NRIP1: variants seen among roughly 807,000 people sequenced by gnomAD.
NRIP1 encodes the protein nuclear receptor-interacting protein 1.
NRIP1 carries 28 observed loss-of-function variants against 75.0 expected under a neutral mutation model. That is an observed-to-expected ratio of 0.37 (90% CI 0.28 to 0.51). The LOEUF (loss-of-function observed/expected upper bound fraction) is 0.51, where lower values mean the gene tolerates loss of function less well. Ranked by LOEUF, NRIP1 falls within the 20% of genes least tolerant of loss-of-function variation. The probability of loss-of-function intolerance (pLI) is 0.92; values close to 1 mark genes in which losing one functional copy is unlikely to be tolerated. For synonymous variants in NRIP1, 526 were observed against 487.6 expected, an observed-to-expected ratio of 1.08 and a Z score of -1.04; for missense variants, 1,435 against 1,343.7, an observed-to-expected ratio of 1.07 and a Z score of -1.06.
At chr21:15,030,501 A>G (rs2088618537) in intron 2 of NRIP1, among the ~76,000 whole-genome samples, 1 of 151,974 alleles carries the variant, frequency 6.6e-6, no homozygotes, top group Non-Finnish European at 1.5e-5. Flanking sequence ...AAGATATTTC[A>G]ATGGAAATCA....
At chr21:15,011,090 T>TA (rs201378878) in intron 3 of NRIP1, among the ~76,000 whole-genome samples, 171 of 151,380 alleles carry the variant, frequency 1.1e-3, no homozygotes, top group African/African-American at 1.7e-3. Flanking sequence ...CTTAAACAAA[T>TA]AAAAAAAAAT....
rs1568941056 is a variant in NRIP1 at position 14,967,376 on chromosome 21, C to T, written c.817G>A (p.Glu273Lys). ...CGAGAATACTGCTGCAAATGGGCTT[C>T]GCTTGACAGAAGTAATGCTAACTGG... ...CSQLALLLSS[E>K]AHLQQYSREH... The change falls in exon 4 of 4, where the codon GAA (glutamate) becomes AAA (lysine). Residue 273 changes from glutamate to lysine, a missense_variant. Physicochemically the swap from Glu to Lys is moderately conservative, Grantham distance 56. Coordinates refer to ENST00000318948, the MANE Select transcript of NRIP1 (RefSeq NM_003489.4). 1 of 1,614,058 alleles carries T rather than the reference C, an allele frequency of 6.2e-7. No individual in the cohort carries two copies. The highest frequency in any genetic ancestry group is 8.5e-7 in the Non-Finnish European group (1 of 1,180,002).
In NRIP1 at chr21:14,963,011, C is replaced by A. The variant is rs900223433; in HGVS notation, c.*1705G>T. On this transcript the variant is annotated 3_prime_UTR_variant, in exon 4 of 4. Coordinates refer to ENST00000318948, the MANE Select transcript of NRIP1 (RefSeq NM_003489.4). ...GGATTGTACAAACTGAACATAAAAA[C>A]AGACCTGTTTCGCAACTGAAACCCC... 3.3e-5 allele frequency: 5 copies of A among 152,278 alleles called. No homozygotes were observed. The highest frequency in any genetic ancestry group is 1.2e-4 in the African/African-American group (5 of 41,420). 9.4% of individuals were successfully genotyped at this position (152,278 alleles called of 1,614,324 possible).
At chr21:15,016,538 A>C (rs2088234102) in intron 2 of NRIP1, among the ~76,000 whole-genome samples, 1 of 152,152 alleles carries the variant, frequency 6.6e-6, no homozygotes, top group Non-Finnish European at 1.5e-5. Context: ...TTCTTGAAAA[A>C]AGATTATAAC....
chr21:14,972,896 G>T (rs764340253), intron 3 of NRIP1, among the ~76,000 whole-genome samples: 1 of 152,194 alleles, frequency 6.6e-6, no homozygotes, highest in Middle Eastern at 3.2e-3. Context: ...GAGCTCAGGC[G>T]GTAATGCTTG....
At chr21:15,012,571 G>A (rs531516008) in intron 3 of NRIP1, among the ~76,000 whole-genome samples, 69 of 143,164 alleles carry the variant, frequency 4.8e-4, no homozygotes, top group Admixed American at 1.5e-3. Flanking sequence ...TCCTGCCTCA[G>A]CCTCCCAAAT....
At chr21:14,972,103 C>A (rs932756681) in intron 3 of NRIP1, among the ~76,000 whole-genome samples, 1 of 152,134 alleles carries the variant, frequency 6.6e-6, no homozygotes, top group South Asian at 2.1e-4. Context: ...ACTGTTCTAG[C>A]AGAAAATGAA....
chr21:14,967,067 TAGC>T lies in NRIP1; in HGVS notation c.1123_1125del (p.Ala375del). The T allele has an allele frequency of 6.2e-7, 1 of 1,614,160 alleles. No homozygotes were observed. Among genetic ancestry groups the T allele is most frequent in the Non-Finnish European group, 8.5e-7 (1 of 1,180,016 alleles). On this transcript the variant is annotated inframe_deletion, in exon 4 of 4. Coordinates refer to ENST00000318948, the MANE Select transcript of NRIP1 (RefSeq NM_003489.4). ...AGAAGATGTAAAAGCAAACTATTGT[TAGC>T]AGCTTGTTTTATATTGTTTCTTTCC... is the stretch of plus-strand genomic sequence containing the variant.
chr21:14,995,653 T>C (rs1223539685), intron 3 of NRIP1, among the ~76,000 whole-genome samples: 1 of 152,222 alleles, frequency 6.6e-6, no homozygotes, highest in Non-Finnish European at 1.5e-5. Context: ...TGTAAAACTA[T>C]AGCCTAGGAA....
intron 3 of NRIP1, among the ~76,000 whole-genome samples, chr21:14,989,092 C>T (rs537204918): frequency 2.0e-5 from 3 of 152,158 alleles, no homozygotes; most frequent in Non-Finnish European, 4.4e-5. Context: ...TGTTGAGGGG[C>T]TTCTGTTCCC....
At chr21:15,001,538 T>C (rs1293052203) in intron 3 of NRIP1, among the ~76,000 whole-genome samples, 1 of 152,182 alleles carries the variant, frequency 6.6e-6, no homozygotes, top group Non-Finnish European at 1.5e-5. Flanking sequence ...ACTACAAGTC[T>C]CTATTTGAGT....
intron 1 of NRIP1, among the ~76,000 whole-genome samples, chr21:15,057,903 A>G (rs2089340939): frequency 2.0e-5 from 3 of 152,180 alleles, no homozygotes; most frequent in Admixed American, 2.0e-4. Context: ...AAAAAGTTCA[A>G]TACTCTTCCT....
At chr21:15,025,388 T>C (rs2147229762) in intron 2 of NRIP1, among the ~76,000 whole-genome samples, 1 of 152,116 alleles carries the variant, frequency 6.6e-6, no homozygotes, top group South Asian at 2.1e-4. Context: ...AAAAAGATAC[T>C]GAAGGGGGTA....
intron 3 of NRIP1, among the ~76,000 whole-genome samples, chr21:14,986,895 C>T (rs527299972): frequency 6.6e-6 from 1 of 152,172 alleles, no homozygotes; most frequent in South Asian, 2.1e-4. Flanking sequence ...ATAATTTTGC[C>T]ACTGGCTACT....
chr21:14,973,437 T>C (rs1013739303), intron 3 of NRIP1, among the ~76,000 whole-genome samples: 5 of 152,116 alleles, frequency 3.3e-5, no homozygotes, highest in Non-Finnish European at 5.9e-5. Context: ...AAACATCTTT[T>C]ATGAACACTA....
intron 3 of NRIP1, among the ~76,000 whole-genome samples, chr21:14,998,995 T>C (rs533871022): frequency 6.6e-6 from 1 of 152,090 alleles, no homozygotes; most frequent in African/African-American, 2.4e-5. Flanking sequence ...TTTATTCCAG[T>C]GTGAACTCTC....
intron 3 of NRIP1, among the ~76,000 whole-genome samples, chr21:14,983,870 C>T (rs534842096): frequency 8.5e-4 from 130 of 152,234 alleles, no homozygotes; most frequent in Non-Finnish European, 1.5e-3. Flanking sequence ...ATTTTAAGCC[C>T]GCTGTTGGGA....
intron 2 of NRIP1, among the ~76,000 whole-genome samples, chr21:15,038,994 G>C (rs1315836127): frequency 6.6e-6 from 1 of 152,052 alleles, no homozygotes; most frequent in East Asian, 1.9e-4. Context: ...AAATTTCATT[G>C]TATTTTTAAA....
At position 14,966,220 on chromosome 21, in the gene NRIP1, T is replaced by C. The variant is rs141838531; in HGVS notation, c.1973A>G (p.Asn658Ser). 1 of 1,613,994 alleles carries C rather than the reference T, an allele frequency of 6.2e-7. No homozygotes were observed. Among genetic ancestry groups the C allele is most frequent in the Non-Finnish European group, 8.5e-7 (1 of 1,179,932 alleles). Reference protein sequence around the residue: ...QRPSKQLLTGNTDKPIGMIDR... With the variant: ...QRPSKQLLTGSTDKPIGMIDR... The stretch of plus-strand genomic sequence containing the variant: ...AATCATACCTATCGGTTTATCTGTG[T>C]TTCCAGTTAACAGCTGTTTGCTGGG... The change falls in exon 4 of 4, where the codon AAC (asparagine) becomes AGC (serine). Residue 658 changes from asparagine (N) to serine (S), a missense_variant. Transcript: ENST00000318948.
Sources: gnomAD v4.1 joint callset for allele counts (sites outside exome capture counted in the v4.1 genomes callset) on GRCh38, gnomAD v4.1.1 for gene constraint, MANE v1.5 for transcripts, NCBI Gene and HGNC (gene_info 2026-07-23, HGNC 2026-07-21) for gene names.